The following MCPH1 variants were observed in gnomAD, a reference collection of about 807,000 sequenced individuals.
MCPH1 encodes the protein microcephalin 1, also known as microcephalin.
In MCPH1, 104 loss-of-function variants were observed where a neutral mutation model predicts 84.5. That is an observed-to-expected ratio of 1.23 (90% CI 1.05 to 1.45). MCPH1 has a LOEUF of 1.45. Among genes scored for constraint, MCPH1 ranks in the 40% most tolerant of loss-of-function variants. MCPH1 has a pLI of 0.00. For synonymous variants in MCPH1, 514 were observed against 366.8 expected (o/e 1.40, Z -4.58); for missense variants, 1,498 against 1,005.7 (o/e 1.49, Z -6.62).
chr8:6,598,419 C>G (rs1186076822), intron 12 of MCPH1, among the ~76,000 whole-genome samples: 3 of 152,160 alleles, frequency 2.0e-5, no homozygotes, highest in African/African-American at 7.2e-5. Context: ...GAGTGCAGCT[C>G]TGAGCCTCAG....
Position 6,508,480 on chromosome 8 carries a change from A to G in MCPH1, c.2214+8551A>G, listed in dbSNP as rs75406399. 932 of 188,398 alleles carry G rather than the reference A, an allele frequency of 4.9e-3. 4 individuals carry two copies. Among genetic ancestry groups the G allele is most frequent in the Non-Finnish European group, 7.3e-3 (687 of 93,636 alleles). 11.7% of individuals were successfully genotyped at this position (188,398 alleles called of 1,614,324 possible). A position where few individuals can be genotyped will look rare whatever the true frequency, so the allele number is the denominator to read the frequency against. ...ACAACTGGAGACTGTGTCTGTAAAT[A>G]AATAAATAATAAATGACAGCTGGAA... On this transcript the variant is annotated intron_variant, in intron 12 of 13. Transcript: ENST00000344683.
chr8:6,550,686 A>G (rs1314143416), intron 12 of MCPH1, among the ~76,000 whole-genome samples: 1 of 152,144 alleles, frequency 6.6e-6, no homozygotes, highest in East Asian at 1.9e-4. Flanking sequence ...TCTTTTTAAA[A>G]TCTGTTTTAT....
Position 6,444,400 on chromosome 8 carries a change from C to G in MCPH1, c.678C>G (p.Tyr226Ter). The part of the protein sequence containing the change: ...ISRDTLCSDE[Y>*]FAGGLHSSFD... Reference sequence around the variant, plus strand: ...TCCGTTAATGTTTTCCAGATGAATACTTTGCTGGTGGCTTACACTCATCTT... The same window carrying G: ...TCCGTTAATGTTTTCCAGATGAATAGTTTGCTGGTGGCTTACACTCATCTT... The change falls in exon 8 of 14, where the codon TAC becomes TAG. Residue 226 changes from tyrosine (Y) to a stop codon, truncating the protein, a stop_gained. Coordinates refer to ENST00000344683, the MANE Select transcript of MCPH1 (RefSeq NM_024596.5). LOFTEE classifies it high-confidence loss of function. 6.2e-7 allele frequency: 1 copy of G among 1,614,094 alleles called. No homozygotes were observed. Among genetic ancestry groups the G allele is most frequent in the South Asian group, 1.1e-5 (1 of 91,058 alleles).
intron 12 of MCPH1, among the ~76,000 whole-genome samples, chr8:6,600,533 G>T (rs1755320987): frequency 6.6e-6 from 1 of 152,264 alleles, no homozygotes; most frequent in South Asian, 2.1e-4. Context: ...GAGTCTGAGT[G>T]TCTCTAGCAT....
intron 3 of MCPH1, among the ~76,000 whole-genome samples, chr8:6,420,169 C>G (rs1412476057): frequency 3.9e-5 from 6 of 151,930 alleles, no homozygotes; most frequent in African/African-American, 1.5e-4. Context: ...GGCTGCCACT[C>G]CCCCCAGAAC....
chr8:6,449,092 A>G (rs1266299706), intron 8 of MCPH1, among the ~76,000 whole-genome samples: 1 of 152,226 alleles, frequency 6.6e-6, no homozygotes, highest in African/African-American at 2.4e-5. Flanking sequence ...GATTTGTAAT[A>G]AGATAGATTT....
intron 12 of MCPH1, among the ~76,000 whole-genome samples, chr8:6,523,537 C>T (rs1234372671): frequency 6.6e-6 from 1 of 152,070 alleles, no homozygotes; most frequent in African/African-American, 2.4e-5. Flanking sequence ...AACTGTTTCC[C>T]AGGAACAAAC....
intron 12 of MCPH1, chr8:6,503,030 G>A (rs1490694434): frequency 1.0e-5 from 16 of 1,574,606 alleles, no homozygotes; most frequent in East Asian, 2.2e-5. Flanking sequence ...GTGCGCAGCC[G>A]TGACTTTCAG....
At chr8:6,500,419 A>G (rs577137666) in intron 12 of MCPH1, 1 of 156,822 alleles carries the variant, frequency 6.4e-6, no homozygotes, top group East Asian at 1.8e-4. Flanking sequence ...TTAAGTGGAT[A>G]ATTTAAAGTT....
At chr8:6,473,419 C>T (rs1808026829) in intron 9 of MCPH1, among the ~76,000 whole-genome samples, 1 of 146,814 alleles carries the variant, frequency 6.8e-6, no homozygotes, top group Non-Finnish European at 1.5e-5. Context: ...CAAGCTCCGT[C>T]TCCCCAGGTT....
chr8:6,477,812 G>T (rs147249643), intron 10 of MCPH1, among the ~76,000 whole-genome samples, 181 bp downstream of exon 10: 1 of 152,224 alleles, frequency 6.6e-6, no homozygotes, highest in Non-Finnish European at 1.5e-5. Context: ...GAGCGACTTA[G>T]CCTTGAAAAC....
At chr8:6,568,878 T>C (rs949931479) in intron 12 of MCPH1, among the ~76,000 whole-genome samples, 3 of 152,182 alleles carry the variant, frequency 2.0e-5, no homozygotes, top group African/African-American at 7.2e-5. Context: ...CTGGCCTTAA[T>C]TTTTGGAAAG....
At chr8:6,458,508 T>G (rs1805941761) in intron 9 of MCPH1, among the ~76,000 whole-genome samples, 1 of 151,868 alleles carries the variant, frequency 6.6e-6, no homozygotes, top group South Asian at 2.1e-4. Context: ...ATTCCTGATT[T>G]GTTTGCTTAA....
chr8:6,569,102 G>C (rs953801577), intron 12 of MCPH1, among the ~76,000 whole-genome samples: 7 of 152,288 alleles, frequency 4.6e-5, no homozygotes, highest in African/African-American at 1.7e-4. Context: ...TCAGTATACA[G>C]GGAAAACCAT....
At chr8:6,499,675 A>C (rs936342197) in intron 11 of MCPH1, 177 bp from the exon 12 acceptor site, 4 of 583,030 alleles carry the variant, frequency 6.9e-6, no homozygotes, top group Non-Finnish European at 1.2e-5. Flanking sequence ...CTTTTTATTA[A>C]TATTCATAAC....
Position 6,545,230 on chromosome 8 carries a change from G to A in MCPH1, c.2214+45301G>A, listed in dbSNP as rs549077541. 3.3e-5 allele frequency among the ~76,000 whole-genome samples: 5 copies of A among 152,282 alleles called. No individual in the cohort carries two copies. The South Asian group carries it at 8.3e-4, about 25-fold the overall frequency. On this transcript the variant is annotated intron_variant, in intron 12 of 13. Transcript: ENST00000344683. Reference sequence around the variant, plus strand: ...GTGGCACGAGGGAGCCTTCTGGAGTGCTGAAAATGTTTCCTAGATCTTGAC... The same window carrying A: ...GTGGCACGAGGGAGCCTTCTGGAGTACTGAAAATGTTTCCTAGATCTTGAC...
At chr8:6,439,954 T>G (rs772898253) in intron 6 of MCPH1, among the ~76,000 whole-genome samples, 1 of 152,236 alleles carries the variant, frequency 6.6e-6, no homozygotes, top group Non-Finnish European at 1.5e-5. Context: ...ATCAGATATC[T>G]GTGTATACAT....
intron 13 of MCPH1, among the ~76,000 whole-genome samples, chr8:6,641,028 G>A (rs780995757): frequency 8.6e-5 from 13 of 152,024 alleles, no homozygotes; most frequent in Non-Finnish European, 1.9e-4. Flanking sequence ...TGTACAGACT[G>A]TTTTGATATC....
intron 3 of MCPH1, among the ~76,000 whole-genome samples, chr8:6,429,554 A>C (rs1801538190): frequency 1.4e-5 from 2 of 148,052 alleles, no homozygotes; most frequent in East Asian, 4.0e-4. Context: ...GTTTGATTTC[A>C]TTTCCCCAGA....
Sources: allele counts gnomAD v4.1 joint callset (sites outside exome capture counted in the v4.1 genomes callset), GRCh38; gene constraint gnomAD v4.1.1; transcripts MANE v1.5; gene names NCBI Gene and HGNC (gene_info 2026-07-23, HGNC 2026-07-21).